The following TSHZ3 variants were observed in gnomAD, a reference collection of about 807,000 sequenced individuals.
TSHZ3 encodes the protein teashirt zinc finger homeobox 3, also known as teashirt homolog 3.
Under a neutral mutation model 64.5 loss-of-function variants are expected in TSHZ3, and 10 were observed. That is an observed-to-expected ratio of 0.16 (90% CI 0.10 to 0.26). The LOEUF (loss-of-function observed/expected upper bound fraction) is 0.26. TSHZ3 is among the 10% of genes least tolerant of loss of function. The probability of loss-of-function intolerance (pLI) is 1.00; values close to 1 mark genes in which losing one functional copy is unlikely to be tolerated. For missense variants in TSHZ3, 1,242 were observed against 1,421.7 expected (o/e 0.87, Z 2.03); for synonymous variants, 608 against 593.1 (o/e 1.03, Z -0.36).
chr19:31,345,721 C>G (rs1917571856), intron 1 of TSHZ3, among the ~76,000 whole-genome samples: 1 of 151,546 alleles, frequency 6.6e-6, no homozygotes, highest in Non-Finnish European at 1.5e-5. Context: ...AAGAAATGGT[C>G]TTTTATGATT....
rs116246995 is a variant in TSHZ3, at chr19:31,290,996, A to T, written c.41-11244T>A. 3.9e-3 allele frequency among the ~76,000 whole-genome samples: 599 copies of T among 152,360 alleles called. 6 individuals are homozygous for T. The highest frequency in any genetic ancestry group is 0.013 in the African/African-American group (551 of 41,590). ...GTATCCCTGTGTTAATAAAGCTGCA[A>T]TGCTTTCATCCCAAGAAAAGCATGG... On this transcript the variant is annotated intron_variant, in intron 1 of 1. Coordinates refer to ENST00000240587, the MANE Select transcript of TSHZ3 (RefSeq NM_020856.4).
intron 4 of TSHZ3, among the ~76,000 whole-genome samples, chr19:31,219,162 T>C (rs1164048257): frequency 5.3e-5 from 8 of 152,212 alleles, no homozygotes. Context: ...TCAGTGTTTC[T>C]GGATTGGACC....
chr19:31,174,339 A>G (rs1473605648), intron 5 of TSHZ3, among the ~76,000 whole-genome samples: 1 of 152,228 alleles, frequency 6.6e-6, no homozygotes, highest in Admixed American at 6.5e-5. Flanking sequence ...CATCAGAAGG[A>G]GCTACCTGTT....
intron 1 of TSHZ3, among the ~76,000 whole-genome samples, chr19:31,316,600 C>T (rs1000581573): frequency 6.6e-5 from 10 of 152,086 alleles, no homozygotes; most frequent in Non-Finnish European, 4.4e-5. Flanking sequence ...TTGCGGCAGC[C>T]GCTGTGTCGT....
intron 5 of TSHZ3, among the ~76,000 whole-genome samples, chr19:31,190,617 A>G (rs1431585756): frequency 2.7e-5 from 4 of 146,684 alleles, no homozygotes; most frequent in Non-Finnish European, 4.5e-5. Flanking sequence ...TCAACTATGT[A>G]GCATTCATAA....
intron 4 of TSHZ3, among the ~76,000 whole-genome samples, chr19:31,207,027 T>G (rs774355378): frequency 2.6e-5 from 4 of 152,200 alleles, no homozygotes; most frequent in African/African-American, 9.7e-5. Flanking sequence ...TGCAGAAATT[T>G]TTCTTTAAGA....
At chr19:31,272,353 A>G (rs1426538325), downstream of TSHZ3, among the ~76,000 whole-genome samples, 1 of 152,234 alleles carries the variant, frequency 6.6e-6, no homozygotes, top group Non-Finnish European at 1.5e-5. Flanking sequence ...GGAAGGAACC[A>G]CAGAGACTGC....
rs537463263 is a variant in TSHZ3, at chr19:31,314,003, C to T, written c.41-34251G>A. ...AATGACGGTGAGCCTTTCTCTCTGC[C>T]TGCTTCCCAGGTCCACATTTGGGAA... On this transcript the variant is annotated intron_variant, in intron 1 of 1. Coordinates refer to ENST00000240587, the MANE Select transcript of TSHZ3 (RefSeq NM_020856.4). 1.1e-3 allele frequency among the ~76,000 whole-genome samples: 165 copies of T among 152,326 alleles called. 1 individual carries two copies. In the Middle Eastern group the frequency reaches 0.017, roughly 16 times the overall value.
intron 1 of TSHZ3, among the ~76,000 whole-genome samples, chr19:31,282,997 G>C (rs899008622): frequency 1.3e-5 from 2 of 152,148 alleles, no homozygotes; most frequent in African/African-American, 2.4e-5. Context: ...TCCTTAGGTG[G>C]AGCCTAAGAC....
intron 1 of TSHZ3, among the ~76,000 whole-genome samples, chr19:31,286,855 C>T (rs375213936): frequency 2.2e-4 from 34 of 152,198 alleles, no homozygotes; most frequent in Non-Finnish European, 3.8e-4. Flanking sequence ...GGATGACAAA[C>T]GTATCATGTC....
rs58256143 is a variant in TSHZ3 at position 31,247,343 on chromosome 19, G to C, written n.64-4468C>G. ...ATCCAGATTAGCAACTCTAATCATG[G>C]GACAAAGCTACATCTTGTGCCCCCT... On this transcript the variant is annotated intron_variant and non_coding_transcript_variant, in intron 1 of 6. Coordinates refer to the TSHZ3 transcript ENST00000651361. Among the ~76,000 whole-genome samples the C allele has an allele frequency of 7.4e-3, 1,129 of 152,202 alleles. 44 individuals carry two copies. In the East Asian group the frequency reaches 0.087, roughly 12 times the overall value.
Position 31,266,839 on chromosome 19 carries a change from G to A in TSHZ3, n.64-23964C>T, listed in dbSNP as rs148362292. Reference sequence around the variant, plus strand: ...CTCACCATCTCAAAGCAGGGCCAGAGGGACATCTAGGGACCAAGCCCCTGT... The same window carrying A: ...CTCACCATCTCAAAGCAGGGCCAGAAGGACATCTAGGGACCAAGCCCCTGT... On this transcript the variant is annotated intron_variant and non_coding_transcript_variant, in intron 1 of 6. Coordinates refer to the TSHZ3 transcript ENST00000651361. 2.7e-3 allele frequency among the ~76,000 whole-genome samples: 414 copies of A among 152,318 alleles called. 2 individuals are homozygous for A. The highest frequency in any genetic ancestry group is 9.5e-3 in the African/African-American group (393 of 41,574).
chr19:31,313,156 T>C (rs1050786612), intron 1 of TSHZ3, among the ~76,000 whole-genome samples: 9 of 152,134 alleles, frequency 5.9e-5, no homozygotes, highest in African/African-American at 9.7e-5. Flanking sequence ...GAGGAGACTC[T>C]GCGGGAAGCC....
chr19:31,307,090 A>G (rs537981081), intron 1 of TSHZ3, among the ~76,000 whole-genome samples: 54 of 152,268 alleles, frequency 3.5e-4, no homozygotes, highest in Non-Finnish European at 6.8e-4. Flanking sequence ...AGCCTTGTAA[A>G]TAACATCTCT....
intron 1 of TSHZ3, among the ~76,000 whole-genome samples, chr19:31,321,275 T>C (rs1916761805): frequency 1.3e-5 from 2 of 152,148 alleles, no homozygotes; most frequent in Non-Finnish European, 2.9e-5. Context: ...AGGCCATGGC[T>C]CTCACTTAAG....
At chr19:31,338,580 T>C (rs1056580185) in intron 1 of TSHZ3, among the ~76,000 whole-genome samples, 5 of 135,490 alleles carry the variant, frequency 3.7e-5, no homozygotes, top group Non-Finnish European at 6.6e-5. Context: ...CTTTTTTTTT[T>C]CTTTTTTTTT....
At chr19:31,153,470 G>C (rs146544776) in intron 6 of TSHZ3, among the ~76,000 whole-genome samples, 100 of 152,302 alleles carry the variant, frequency 6.6e-4, no homozygotes, top group African/African-American at 2.4e-3. Context: ...GAAACTCTAT[G>C]ATCATCAGAT....
In TSHZ3 at chr19:31,349,085, G is replaced by A. The variant is rs1016112774; in HGVS notation, c.40+95C>T. The A allele has an allele frequency of 2.1e-6, 3 of 1,458,034 alleles. No homozygotes were observed. In the African/African-American group the frequency reaches 4.3e-5, roughly 21 times the overall value. The allele number at this position is 1,458,034 out of a possible 1,614,324, so 90.3% of individuals were successfully genotyped here. On this transcript the variant is annotated intron_variant, in intron 1 of 1. Transcript: ENST00000240587. ...CCGGAGTTACTCAGTGCGGGCAGAAGAGCGGGGCGAGGAGCGGGGTCGCGC... is the reference window on the plus strand; with the variant it reads ...CCGGAGTTACTCAGTGCGGGCAGAAAAGCGGGGCGAGGAGCGGGGTCGCGC...
chr19:31,234,875 C>T (rs959158620), intron 3 of TSHZ3, among the ~76,000 whole-genome samples: 3 of 152,132 alleles, frequency 2.0e-5, no homozygotes, highest in Non-Finnish European at 2.9e-5. Context: ...AGCCTAATAA[C>T]ATATGTTAGG....
Sources: allele counts gnomAD v4.1 joint callset (sites outside exome capture counted in the v4.1 genomes callset), GRCh38; gene constraint gnomAD v4.1.1; transcripts MANE v1.5; gene names NCBI Gene and HGNC (gene_info 2026-07-23, HGNC 2026-07-21).